CPLANE1: variants seen among roughly 807,000 people sequenced by gnomAD.
The protein encoded by CPLANE1 is ciliogenesis and planar polarity effector complex subunit 1.
Under a neutral mutation model 362.5 loss-of-function variants are expected in CPLANE1, and 263 were observed. The ratio of observed to expected loss-of-function variants is 0.73; its 90% CI spans 0.66 to 0.80. The LOEUF is 0.80. Ranked by LOEUF, CPLANE1 falls within the 30% of genes least tolerant of loss-of-function variation. The pLI is 0.00. For synonymous variants in CPLANE1, 1,212 were observed against 1,302.6 expected (o/e 0.93, Z 1.50); for missense variants, 3,461 against 3,793.4 (o/e 0.91, Z 2.30).
At chr5:37,088,047 G>A in the CPLANE1 span, among the ~76,000 whole-genome samples, 7 of 152,320 alleles carry the variant, frequency 4.6e-5, no homozygotes, top group African/African-American at 1.7e-4. Flanking sequence ...ACAACAACTA[G>A]ATTTTGATCC....
chr5:37,076,253 CAAA>C, the CPLANE1 span, among the ~76,000 whole-genome samples: 27 of 138,678 alleles, frequency 1.9e-4, no homozygotes, highest in Admixed American at 2.1e-4. Context: ...GACCCTGTCT[CAAA>C]AAAAAAAAAA....
At chr5:37,179,927 G>A in intron 28 of CPLANE1, 90 bp downstream of exon 28, 1 of 771,344 alleles carries the variant, frequency 1.3e-6, no homozygotes, top group Non-Finnish European at 2.0e-6. Context: ...ACTAACTTAG[G>A]TATAAGACTA....
intron 15 of CPLANE1, among the ~76,000 whole-genome samples, chr5:37,215,674 C>T (rs1352095069): frequency 6.6e-6 from 1 of 151,246 alleles, no homozygotes; most frequent in Non-Finnish European, 1.5e-5. Context: ...TACAAAATGA[C>T]CCAGGCACGA....
the CPLANE1 span, among the ~76,000 whole-genome samples, chr5:37,079,569 T>C: frequency 6.6e-6 from 1 of 152,176 alleles, no homozygotes; most frequent in African/African-American, 2.4e-5. Flanking sequence ...GCTGGGTCAT[T>C]CCCAATTTCC....
At chr5:37,220,599 C>T (rs546043992) in intron 15 of CPLANE1, among the ~76,000 whole-genome samples, 3 of 152,008 alleles carry the variant, frequency 2.0e-5, no homozygotes, top group African/African-American at 7.2e-5. Flanking sequence ...TACCTTGGCT[C>T]GCTCACTGCA....
the CPLANE1 span, among the ~76,000 whole-genome samples, chr5:37,086,456 G>A: frequency 2.0e-5 from 3 of 152,198 alleles, no homozygotes; most frequent in South Asian, 6.2e-4. Context: ...AGGCCAAAAG[G>A]TTTTTGCAAA....
intron 45 of CPLANE1, 127 bp from the exon 46 acceptor site, chr5:37,138,975 TGTA>T: frequency 1.2e-6 from 1 of 807,060 alleles, no homozygotes; most frequent in Non-Finnish European, 1.9e-6. Context: ...CTTCTATTTC[TGTA>T]ATTCTAGTAT....
chr5:37,133,864 G>A (rs1766730223), intron 46 of CPLANE1, among the ~76,000 whole-genome samples: 2 of 152,126 alleles, frequency 1.3e-5, no homozygotes, highest in African/African-American at 4.8e-5. Flanking sequence ...TTCTTAAGGT[G>A]AATGCTTCCA....
chr5:37,182,283 A>AATTAAAC (rs767259204), intron 26 of CPLANE1, among the ~76,000 whole-genome samples: 21 of 152,300 alleles, frequency 1.4e-4, no homozygotes, highest in Non-Finnish European at 2.2e-4. Context: ...AAGAATAGTT[A>AATTAAAC]ATTAAACACT....
chr5:37,211,176 G>A, intron 16 of CPLANE1: 1 of 1,325,422 alleles, frequency 7.5e-7, no homozygotes, highest in Non-Finnish European at 1.1e-6. Flanking sequence ...AGGTACGGTT[G>A]CATCAAGGAT....
intron 12 of CPLANE1, 61 bp from the exon 13 acceptor site, chr5:37,224,801 C>A: frequency 9.0e-7 from 1 of 1,115,934 alleles, no homozygotes; most frequent in Non-Finnish European, 1.3e-6. Flanking sequence ...AGTTTAGCCT[C>A]CTTTTTAGCC....
intron 14 of CPLANE1, 26 bp from the exon 15 acceptor site, chr5:37,221,514 A>G (rs1489572466): frequency 1.4e-6 from 2 of 1,446,712 alleles, no homozygotes; most frequent in East Asian, 2.7e-5. Flanking sequence ...AGCTCACCTT[A>G]AAAGTATGTA....
intron 25 of CPLANE1, 84 bp from the exon 26 acceptor site, chr5:37,183,783 T>C (rs905204273): frequency 1.1e-6 from 1 of 942,862 alleles, no homozygotes; most frequent in Admixed American, 2.9e-5. Flanking sequence ...GAAAATTCTC[T>C]CCAATGATTA....
chr5:37,093,624 T>C, the CPLANE1 span, among the ~76,000 whole-genome samples: 1 of 152,220 alleles, frequency 6.6e-6, no homozygotes, highest in Non-Finnish European at 1.5e-5. Flanking sequence ...ATTATACTCA[T>C]GATTGTCTTA....
the CPLANE1 span, among the ~76,000 whole-genome samples, chr5:37,093,511 A>C: frequency 6.6e-6 from 1 of 152,188 alleles, no homozygotes; most frequent in African/African-American, 2.4e-5. Context: ...CTATAGATCT[A>C]CACACCCAAC....
Position 37,187,837 on chromosome 5 carries a change from A to C in CPLANE1, c.3817T>G (p.Phe1273Val). Residue 1273 changes from phenylalanine (F) to valine (V), a missense_variant, in exon 22 of 53, where the codon TTC becomes GTC. By Grantham distance (50) the Phe-to-Val change is conservative. Around this residue, in one of 2 missense-constraint regions of CPLANE1, gnomAD observed 3,380 missense variants for 3,666.1 expected, o/e 0.92. Transcript: ENST00000651892. ...CAACACAGAGCACAAAGTTCTCTGA[A>C]GCAACCTAAAGCAGGAACACAAATA... is the stretch of plus-strand genomic sequence containing the variant. ...DEVSIRAIGC[F>V]RELCALCWML... 7 of 1,610,030 alleles carry C rather than the reference A, an allele frequency of 4.3e-6. No homozygotes were observed. The highest frequency in any genetic ancestry group is 5.9e-6 in the Non-Finnish European group (7 of 1,177,616).
intron 12 of CPLANE1, among the ~76,000 whole-genome samples, chr5:37,225,852 CAAA>C (rs70976285): frequency 1.6e-4 from 9 of 57,774 alleles, no homozygotes; most frequent in Admixed American, 1.5e-3. Flanking sequence ...TACTCCATCT[CAAA>C]AAAAAAAAAA....
In CPLANE1 at chr5:37,121,664, G is replaced by C. The variant is rs16903511; in HGVS notation, c.9138C>G (p.Pro3046=). Reference sequence around the variant, plus strand: ...GACAACTGGAAGACTGAGTAGGGCTGGGTTTGTTAGGCAATGGTTTCTGTG... The same window carrying C: ...GACAACTGGAAGACTGAGTAGGGCTCGGTTTGTTAGGCAATGGTTTCTGTG... ...TLPQKPLPNK[P]SPTQSSSCQH... is the part of the protein sequence containing the mutation. Residue 3046 remains proline, a synonymous_variant, in exon 49 of 53, where the codon CCC becomes CCG. Transcript: ENST00000651892. The C allele has an allele frequency of 2.2e-3, 3,625 of 1,614,124 alleles. 78 individuals carry two copies. The Admixed American group carries it at 0.041, about 18-fold the overall frequency.
At chr5:37,211,891 G>A in intron 16 of CPLANE1, 1 of 787,326 alleles carries the variant, frequency 1.3e-6, no homozygotes, top group South Asian at 1.3e-5. Context: ...GAAATGGATG[G>A]GCCCTCTCCT....
Sources: gnomAD v4.1 joint callset for allele counts (sites outside exome capture counted in the v4.1 genomes callset) on GRCh38, gnomAD v4.1.1 for gene constraint, gnomAD v4.1.1 regional missense constraint, MANE v1.5 for transcripts, NCBI Gene and HGNC (gene_info 2026-07-23, HGNC 2026-07-21) for gene names.